INSYN2B: variants seen among roughly 807,000 people sequenced by gnomAD.
INSYN2B encodes the protein inhibitory synaptic factor family member 2B.
INSYN2B carries 16 observed loss-of-function variants against 41.2 expected under a neutral mutation model. The observed-to-expected ratio is 0.39, with a 90% confidence interval of 0.26 to 0.59. INSYN2B has a LOEUF of 0.59. INSYN2B is among the 20% of genes least tolerant of loss of function. The probability of loss-of-function intolerance (pLI) is 0.57; values close to 1 mark genes in which losing one functional copy is unlikely to be tolerated. For synonymous variants in INSYN2B, 245 were observed against 244.4 expected (o/e 1.00, Z -0.02); for missense variants, 608 against 646.4 (o/e 0.94, Z 0.64).
intron 1 of INSYN2B, among the ~76,000 whole-genome samples, chr5:169,955,460 C>G (rs1222587413): frequency 2.0e-5 from 3 of 152,192 alleles, no homozygotes; most frequent in Non-Finnish European, 2.9e-5. Flanking sequence ...TGCTGTCACT[C>G]TGAGTCTCCT....
At chr5:169,964,834 G>A (rs1333419558) in intron 1 of INSYN2B, among the ~76,000 whole-genome samples, 1 of 152,218 alleles carries the variant, frequency 6.6e-6, no homozygotes, top group African/African-American at 2.4e-5. Flanking sequence ...GTTGCTTGGA[G>A]GATTCAAAGG....
chr5:169,907,483 A>G (rs1338642736), intron 1 of INSYN2B, among the ~76,000 whole-genome samples: 1 of 152,206 alleles, frequency 6.6e-6, no homozygotes, highest in African/African-American at 2.4e-5. Flanking sequence ...GGAACATTTT[A>G]GAAAGTCAAA....
intron 1 of INSYN2B, among the ~76,000 whole-genome samples, chr5:169,908,753 C>T (rs1307322602): frequency 2.2e-5 from 3 of 137,144 alleles, no homozygotes; most frequent in African/African-American, 5.5e-5. Context: ...CTCACTCTGT[C>T]GCCCAGGATA....
intron 3 of INSYN2B, among the ~76,000 whole-genome samples, chr5:169,869,632 C>T (rs1415657813): frequency 6.6e-6 from 1 of 152,180 alleles, no homozygotes; most frequent in Non-Finnish European, 1.5e-5. Flanking sequence ...AGAGAAGATG[C>T]ATTTCTACTT....
At chr5:169,867,646 AT>A in intron 3 of INSYN2B, among the ~76,000 whole-genome samples, 2 of 151,598 alleles carry the variant, frequency 1.3e-5, no homozygotes, top group African/African-American at 4.9e-5. Context: ...CTATCTATCT[AT>A]CTACCTCTAG....
intron 1 of INSYN2B, among the ~76,000 whole-genome samples, chr5:169,966,703 A>G (rs927515847): frequency 2.8e-4 from 43 of 152,170 alleles, no homozygotes; most frequent in African/African-American, 9.9e-4. Flanking sequence ...AGCTGAGACT[A>G]TGGTCTCCTC....
chr5:169,930,806 G>T (rs1775716186), intron 1 of INSYN2B, among the ~76,000 whole-genome samples: 1 of 152,116 alleles, frequency 6.6e-6, no homozygotes, highest in African/African-American at 2.4e-5. Context: ...CATCTCTCTT[G>T]GTTTCTTTTC....
intron 1 of INSYN2B, among the ~76,000 whole-genome samples, chr5:169,891,923 G>C (rs1773307748): frequency 6.6e-6 from 1 of 150,996 alleles, no homozygotes; most frequent in African/African-American, 2.4e-5. Context: ...TTGAACCTGG[G>C]AGGCGGAGGT....
chr5:169,973,680 G>T (rs992072448), intron 1 of INSYN2B, among the ~76,000 whole-genome samples: 1 of 152,156 alleles, frequency 6.6e-6, no homozygotes, highest in African/African-American at 2.4e-5. Context: ...TGCGGTATTG[G>T]TACCTCATAC....
At chr5:169,908,516 A>G (rs1403697934) in intron 1 of INSYN2B, among the ~76,000 whole-genome samples, 1 of 152,140 alleles carries the variant, frequency 6.6e-6, no homozygotes, top group African/African-American at 2.4e-5. Flanking sequence ...ATGAACACAA[A>G]TAGGTTCCCA....
In INSYN2B at chr5:169,875,097, A is replaced by G. The variant is rs375369264; in HGVS notation, c.1421+6271T>C. 4,070 of 417,162 alleles carry G rather than the reference A, an allele frequency of 9.8e-3. 190 individuals are homozygous for G. Among genetic ancestry groups the G allele is most frequent in the South Asian group, 0.069 (3,933 of 56,708 alleles). 25.8% of individuals were successfully genotyped at this position (417,162 alleles called of 1,614,324 possible). On this transcript the variant is annotated intron_variant, in intron 3 of 3. Transcript: ENST00000377365. Reference sequence around the variant, plus strand: ...CTAAAGCTACTCTCTGGGCTATTTTACAAGCAAGTATTTTTTATTCATGGG... The same window carrying G: ...CTAAAGCTACTCTCTGGGCTATTTTGCAAGCAAGTATTTTTTATTCATGGG...
At chr5:169,881,582 A>C (rs1772655703) in intron 2 of INSYN2B, 140 bp from the exon 3 acceptor site, 1 of 662,514 alleles carries the variant, frequency 1.5e-6, no homozygotes, top group Admixed American at 2.3e-5. Flanking sequence ...AAATAAGGAA[A>C]CAAGAATGTC....
chr5:169,894,071 A>G (rs141345583), intron 1 of INSYN2B, among the ~76,000 whole-genome samples: 178 of 152,332 alleles, frequency 1.2e-3, no homozygotes, highest in Admixed American at 2.4e-3. Flanking sequence ...ACTAAAAACG[A>G]CAGACTCCAG....
At chr5:169,888,670 G>A (rs1214566534) in intron 1 of INSYN2B, among the ~76,000 whole-genome samples, 3 of 152,178 alleles carry the variant, frequency 2.0e-5, no homozygotes, top group African/African-American at 7.2e-5. Context: ...ACGTAGATGA[G>A]ACTCTTCCAC....
At chr5:169,877,409 C>G (rs779315298) in intron 3 of INSYN2B, among the ~76,000 whole-genome samples, 1 of 152,170 alleles carries the variant, frequency 6.6e-6, no homozygotes, top group Non-Finnish European at 1.5e-5. Context: ...GAACCTGCGG[C>G]AGAGGAATTG....
intron 1 of INSYN2B, among the ~76,000 whole-genome samples, chr5:169,952,855 T>C (rs1776717429): frequency 6.6e-6 from 1 of 152,104 alleles, no homozygotes; most frequent in Admixed American, 6.5e-5. Context: ...GATGGACAGA[T>C]ACCTAGATAG....
chr5:169,888,921 T>C (rs886691135), intron 1 of INSYN2B, among the ~76,000 whole-genome samples: 3 of 152,198 alleles, frequency 2.0e-5, no homozygotes, highest in African/African-American at 7.2e-5. Flanking sequence ...GGCATTCCTT[T>C]GTGCAAGAAG....
At chr5:169,876,806 T>C (rs929415169) in intron 3 of INSYN2B, among the ~76,000 whole-genome samples, 1 of 152,208 alleles carries the variant, frequency 6.6e-6, no homozygotes, top group Admixed American at 6.5e-5. Flanking sequence ...TGACTTTACT[T>C]CTGGACAATT....
At position 169,881,403 on chromosome 5, in the gene INSYN2B, G is replaced by A; in HGVS notation, c.1386C>T (p.Cys462=). 6.4e-7 allele frequency: 1 copy of A among 1,551,510 alleles called. No homozygotes were observed. Among genetic ancestry groups the A allele is most frequent in the Non-Finnish European group, 8.7e-7 (1 of 1,146,854 alleles). ...TGCACGCCGTGTTCTGGCAGGTACT[G>A]CAATTGTTGAGATCTTGGCCAGTTC... The part of the protein sequence containing the change: ...FYRTGQDLNN[C]STCQNTACII... Residue 462 remains cysteine (C), a synonymous_variant, in exon 3 of 4, where the codon TGC becomes TGT. Coordinates refer to ENST00000377365, the MANE Select transcript of INSYN2B (RefSeq NM_001129891.3).
Sources: gnomAD v4.1 joint callset for allele counts (sites outside exome capture counted in the v4.1 genomes callset) on GRCh38, gnomAD v4.1.1 for gene constraint, MANE v1.5 for transcripts, NCBI Gene and HGNC (gene_info 2026-07-23, HGNC 2026-07-21) for gene names.